The following RB1 variants were observed in gnomAD, a reference collection of about 807,000 sequenced individuals.
RB1 encodes the protein RB transcriptional corepressor 1.
Under a neutral mutation model 135.4 loss-of-function variants are expected in RB1, and 18 were observed. The ratio of observed to expected loss-of-function variants is 0.13; its 90% CI spans 0.09 to 0.20. The LOEUF is 0.20. Among genes scored for constraint, RB1 ranks in the 10% least tolerant of loss-of-function variants. RB1 has a pLI of 1.00. For synonymous variants in RB1, 365 were observed against 373.2 expected (o/e 0.98, Z 0.25); for missense variants, 868 against 1,110.0 (o/e 0.78, Z 3.10).
chr13:48,422,511 T>C (rs865792699), intron 17 of RB1: 2 of 152,334 alleles, frequency 1.3e-5, no homozygotes, highest in Middle Eastern at 3.4e-3. Context: ...ACTTAAAGTA[T>C]AATACTTTTA....
rs538639578 is a variant in RB1, at chr13:48,320,008, C to T, written c.264+12602C>T. 57 of 437,378 alleles carry T rather than the reference C, an allele frequency of 1.3e-4. 1 individual carries two copies. In the East Asian group the frequency reaches 2.8e-3, roughly 22 times the overall value. The allele number at this position is 437,378 out of a possible 1,614,324, so 27.1% of individuals were successfully genotyped here. Reference sequence around the variant, plus strand: ...TGCCACTGCCTGCAGCCCTGGAAGGCTGGGCTGCGCCTGGCTGGCCCCTGC... The same window carrying T: ...TGCCACTGCCTGCAGCCCTGGAAGGTTGGGCTGCGCCTGGCTGGCCCCTGC... On this transcript the variant is annotated intron_variant, in intron 2 of 26. Transcript: ENST00000267163.
intron 2 of RB1, among the ~76,000 whole-genome samples, chr13:48,321,783 G>A (rs1297896287): frequency 6.6e-6 from 1 of 152,114 alleles, no homozygotes; most frequent in Non-Finnish European, 1.5e-5. Context: ...ATGAACCCAG[G>A]AGGCGGAGGT....
chr13:48,380,112 T>G (rs764305149), intron 15 of RB1, 28 bp downstream of exon 15: 3 of 1,450,304 alleles, frequency 2.1e-6, no homozygotes, highest in South Asian at 2.7e-5. Flanking sequence ...AGTAAAAAAT[T>G]TTTTTCTTTT....
chr13:48,310,427 A>G (rs1438117983), intron 2 of RB1, among the ~76,000 whole-genome samples: 1 of 152,060 alleles, frequency 6.6e-6, no homozygotes, highest in African/African-American at 2.4e-5. Context: ...CCATGTCCGA[A>G]CTCCATTATC....
At position 48,393,899 on chromosome 13, in the gene RB1, T is replaced by G. The variant is rs181994730; in HGVS notation, c.1695+12456T>G. ...ACCAAATATTAGCAAATTTCTTCAT[T>G]CAGTTACACAAGTACTTGGCCAACA... On this transcript the variant is annotated intron_variant, in intron 17 of 26. Transcript: ENST00000267163. 2.2e-3 allele frequency among the ~76,000 whole-genome samples: 338 copies of G among 152,310 alleles called. 7 individuals are homozygous for G. Among genetic ancestry groups the G allele is most frequent in the Admixed American group, 0.021 (318 of 15,280 alleles).
intron 17 of RB1, among the ~76,000 whole-genome samples, chr13:48,419,809 A>T (rs2138236491): frequency 6.6e-6 from 1 of 152,358 alleles, no homozygotes; most frequent in South Asian, 2.1e-4. Flanking sequence ...AAATTCCTGG[A>T]CACATACACC....
At chr13:48,313,434 C>T (rs1224960507) in intron 2 of RB1, among the ~76,000 whole-genome samples, 1 of 150,006 alleles carries the variant, frequency 6.7e-6, no homozygotes, top group Non-Finnish European at 1.5e-5. Flanking sequence ...TCTAAGAAGG[C>T]CTTGACTAAC....
At chr13:48,395,247 T>C (rs171989) in intron 17 of RB1, among the ~76,000 whole-genome samples, 139,693 of 152,112 alleles carry the variant, frequency 0.92, 64,908 homozygotes, top group East Asian at 1. Flanking sequence ...TTGAAGGTCA[T>C]CAACATCAAA....
At chr13:48,392,567 T>C (rs1948619243) in intron 17 of RB1, among the ~76,000 whole-genome samples, 1 of 152,196 alleles carries the variant, frequency 6.6e-6, no homozygotes, top group East Asian at 1.9e-4. Flanking sequence ...AGTCTTACTA[T>C]AGTTTTCATT....
At position 48,324,679 on chromosome 13, in the gene RB1, C is replaced by G. The variant is rs117441496; in HGVS notation, c.264+17273C>G. On this transcript the variant is annotated intron_variant, in intron 2 of 26. Coordinates refer to ENST00000267163, the MANE Select transcript of RB1 (RefSeq NM_000321.3). Reference sequence around the variant, plus strand: ...AAATGCAGCATTCAACATGGGAATGCAGATATCTCTTTGATATACTGTTTT... The same window carrying G: ...AAATGCAGCATTCAACATGGGAATGGAGATATCTCTTTGATATACTGTTTT... Among the ~76,000 whole-genome samples the G allele has an allele frequency of 5.6e-3, 848 of 152,274 alleles. 5 individuals are homozygous for G. The highest frequency in any genetic ancestry group is 0.01 in the Middle Eastern group (3 of 294).
chr13:48,328,063 A>T, intron 2 of RB1: 1 of 805,112 alleles, frequency 1.2e-6, no homozygotes, highest in South Asian at 1.5e-5. Context: ...CCCACACCCC[A>T]ATTTCAAAAC....
chr13:48,372,087 C>G (rs1952764386), intron 11 of RB1, among the ~76,000 whole-genome samples: 1 of 152,096 alleles, frequency 6.6e-6, no homozygotes, highest in South Asian at 2.1e-4. Context: ...TCCATGAAAC[C>G]AGTCCCTGTT....
chr13:48,440,420 T>C (rs539700373), intron 17 of RB1, among the ~76,000 whole-genome samples: 2 of 152,308 alleles, frequency 1.3e-5, no homozygotes, highest in African/African-American at 4.8e-5. Flanking sequence ...TTGGGCCCTG[T>C]TAATTTTCAT....
At chr13:48,388,189 A>C (rs2138154175) in intron 17 of RB1, among the ~76,000 whole-genome samples, 1 of 152,358 alleles carries the variant, frequency 6.6e-6, no homozygotes, top group Non-Finnish European at 1.5e-5. Context: ...TGTAGCAGTT[A>C]ATTACATAAG....
chr13:48,342,367 A>G (rs539363563), intron 2 of RB1, among the ~76,000 whole-genome samples: 1 of 152,114 alleles, frequency 6.6e-6, no homozygotes, highest in Admixed American at 6.5e-5. Flanking sequence ...TTAATTTTTT[A>G]TCTTTCTAAT....
chr13:48,326,448 C>A (rs1043100063), intron 2 of RB1, among the ~76,000 whole-genome samples: 2 of 151,900 alleles, frequency 1.3e-5, no homozygotes, highest in Non-Finnish European at 2.9e-5. Flanking sequence ...CCCAGCTTGA[C>A]CTTAGGTTAA....
intron 23 of RB1, among the ~76,000 whole-genome samples, chr13:48,465,733 T>C (rs1393283527): frequency 6.6e-6 from 1 of 151,198 alleles, no homozygotes; most frequent in Admixed American, 6.6e-5. Context: ...GGGCGAGGCA[T>C]TGCCTCACCT....
In RB1 at chr13:48,465,483, A is replaced by G. The variant is rs1019985496; in HGVS notation, c.2489+115A>G. The G allele has an allele frequency of 2.1e-5, 23 of 1,108,712 alleles. No individual in the cohort carries two copies. The South Asian group carries it at 2.7e-4, about 13-fold the overall frequency. 68.7% of individuals were successfully genotyped at this position (1,108,712 alleles called of 1,614,324 possible). A position where few individuals can be genotyped will look rare whatever the true frequency, so the allele number is the denominator to read the frequency against. On this transcript the variant is annotated intron_variant, in intron 23 of 26. Coordinates refer to ENST00000267163, the MANE Select transcript of RB1 (RefSeq NM_000321.3). Reference sequence around the variant, plus strand: ...AAATAAGCTAGACTCTTGAAACTCTATTTGCTTATTTAAGTAACATAATAA... The same window carrying G: ...AAATAAGCTAGACTCTTGAAACTCTGTTTGCTTATTTAAGTAACATAATAA...
intron 17 of RB1, among the ~76,000 whole-genome samples, chr13:48,400,353 A>C (rs183765821): frequency 1.1e-4 from 17 of 152,272 alleles, no homozygotes; most frequent in African/African-American, 3.6e-4. Context: ...CTGTGTCCAC[A>C]AAACTGGTTG....
Sources: gnomAD v4.1 joint callset for allele counts (sites outside exome capture counted in the v4.1 genomes callset) on GRCh38, gnomAD v4.1.1 for gene constraint, MANE v1.5 for transcripts, NCBI Gene and HGNC (gene_info 2026-07-23, HGNC 2026-07-21) for gene names.